The following XKR4 variants were observed in gnomAD, a reference collection of about 807,000 sequenced individuals.
XKR4 encodes the protein XK-related protein 4.
XKR4 carries 12 observed loss-of-function variants against 53.9 expected under a neutral mutation model. The observed-to-expected ratio is 0.22, with a 90% CI of 0.14 to 0.36. XKR4 has a LOEUF of 0.36. Ranked by LOEUF, XKR4 falls within the 10% of genes least tolerant of loss-of-function variation. The pLI is 1.00. For missense variants in XKR4, 799 were observed against 859.5 expected (o/e 0.93, Z 0.88); for synonymous variants, 354 against 362.4 (o/e 0.98, Z 0.26).
At chr8:55,130,958 G>A (rs207469192) in intron 1 of XKR4, among the ~76,000 whole-genome samples, 3 of 152,094 alleles carry the variant, frequency 2.0e-5, no homozygotes, top group Non-Finnish European at 4.4e-5. Flanking sequence ...TCGGGAGTTT[G>A]AGACCAGCTT....
Position 55,415,882 on chromosome 8 carries a change from C to T in XKR4, c.1006+58005C>T, listed in dbSNP as rs184606604. 1.1e-4 allele frequency among the ~76,000 whole-genome samples: 17 copies of T among 152,226 alleles called. 1 individual carries two copies. The highest frequency in any genetic ancestry group is 8.3e-4 in the South Asian group (4 of 4,822). ...GACAGTCTTCTACTGCGGTGCCTGG[C>T]GTAAAGTAGCCTTATGGTATATGGA... is the stretch of plus-strand genomic sequence containing the variant. On this transcript the variant is annotated intron_variant, in intron 2 of 2. Coordinates refer to ENST00000327381, the MANE Select transcript of XKR4 (RefSeq NM_052898.2).
chr8:55,359,882 G>T (rs1419494145), intron 2 of XKR4, among the ~76,000 whole-genome samples: 1 of 152,106 alleles, frequency 6.6e-6, no homozygotes, highest in Non-Finnish European at 1.5e-5. Flanking sequence ...GTTAAGTTGC[G>T]TTTTTTGAGT....
At chr8:55,353,563 T>G (rs1249744215) in intron 1 of XKR4, among the ~76,000 whole-genome samples, 1 of 152,204 alleles carries the variant, frequency 6.6e-6, no homozygotes, top group African/African-American at 2.4e-5. Flanking sequence ...GATAATAAAT[T>G]TCTGTGATTT....
At chr8:55,487,355 G>A (rs546050470) in intron 2 of XKR4, among the ~76,000 whole-genome samples, 14 of 152,130 alleles carry the variant, frequency 9.2e-5, no homozygotes, top group Non-Finnish European at 1.9e-4. Flanking sequence ...CCAAAATTCA[G>A]GGCAGGTCTT....
intron 1 of XKR4, among the ~76,000 whole-genome samples, chr8:55,286,058 G>A (rs1009643147): frequency 1.3e-5 from 2 of 152,220 alleles, no homozygotes; most frequent in Admixed American, 1.3e-4. Context: ...AGAATCGGCT[G>A]TACCTGGCTT....
chr8:55,522,713 G>T (rs1806814020), intron 2 of XKR4, among the ~76,000 whole-genome samples: 2 of 152,152 alleles, frequency 1.3e-5, no homozygotes, highest in African/African-American at 4.8e-5. Flanking sequence ...CAAAGTTGAA[G>T]CAACAACCCA....
intron 2 of XKR4, among the ~76,000 whole-genome samples, chr8:55,513,598 G>A (rs143099569): frequency 5.0e-4 from 76 of 152,320 alleles, no homozygotes; most frequent in African/African-American, 1.8e-3. Context: ...GATACCCACA[G>A]GTGGAAAGAG....
chr8:55,150,524 T>C (rs1816827232), intron 1 of XKR4, among the ~76,000 whole-genome samples: 1 of 152,176 alleles, frequency 6.6e-6, no homozygotes, highest in Non-Finnish European at 1.5e-5. Flanking sequence ...TGACCCTTCA[T>C]AACTCTCCCA....
chr8:55,460,076 CA>C (rs1353731540), intron 2 of XKR4, among the ~76,000 whole-genome samples: 1 of 147,382 alleles, frequency 6.8e-6, no homozygotes, highest in East Asian at 2.0e-4. Context: ...TATATTTATA[CA>C]ACTGGATACT....
rs1403554626 is a variant in XKR4 at position 55,535,881 on chromosome 8, G to T, written c.*11654G>T. On this transcript the variant is annotated 3_prime_UTR_variant, in exon 3 of 3. Transcript: ENST00000327381. ...TTAGGGGAACCCACCCCCTGTGATA[G>T]TTCTCCTTGACCACTGGTCCCTATG... is the stretch of plus-strand genomic sequence containing the variant. The T allele has an allele frequency of 2.0e-5, 3 of 152,240 alleles. No individual in the cohort carries two copies. In the East Asian group the frequency reaches 5.8e-4, roughly 29 times the overall value. The allele number at this position is 152,240 out of a possible 1,614,324, so 9.4% of individuals were successfully genotyped here. A position where few individuals can be genotyped will look rare whatever the true frequency, so the allele number is the denominator to read the frequency against.
rs144607190 is a variant in XKR4, at chr8:55,219,528, TCA to T, written c.806+116235_806+116236del. Among the ~76,000 whole-genome samples the T allele has an allele frequency of 4.6e-3, 700 of 152,214 alleles. 6 individuals carry two copies. Among genetic ancestry groups the T allele is most frequent in the African/African-American group, 0.016 (652 of 41,532 alleles). On this transcript the variant is annotated intron_variant, in intron 1 of 2. Coordinates refer to ENST00000327381, the MANE Select transcript of XKR4 (RefSeq NM_052898.2). Reference sequence around the variant, plus strand: ...AAGGGGCTCCAAAAACTAAAATACCTCAGTTATTTTGTCTGGACTCTGAGAAG... The same window carrying T: ...AAGGGGCTCCAAAAACTAAAATACCTGTTATTTTGTCTGGACTCTGAGAAG...
intron 1 of XKR4, among the ~76,000 whole-genome samples, chr8:55,168,141 A>C (rs1481969877): frequency 6.6e-6 from 1 of 152,212 alleles, no homozygotes; most frequent in Non-Finnish European, 1.5e-5. Context: ...TGTTGTTCTA[A>C]ATGATAGTCC....
Position 55,103,851 on chromosome 8 carries a change from G to GTGTGTA in XKR4, c.806+558_806+559insGTGTAT, listed in dbSNP as rs1187141027. Among the ~76,000 whole-genome samples, 10 of 106,008 alleles carry GTGTGTA rather than the reference G, an allele frequency of 9.4e-5. No individual in the cohort carries two copies. In the East Asian group the frequency reaches 1.8e-3, roughly 19 times the overall value. 69.5% of individuals were successfully genotyped at this position (106,008 alleles called of 152,430 possible). A position where few individuals can be genotyped will look rare whatever the true frequency, so the allele number is the denominator to read the frequency against. On this transcript the variant is annotated intron_variant, in intron 1 of 2. Transcript: ENST00000327381. ...AAGATCCTAATAGGCAAATGACTTT[G>GTGTGTA]TATATATATATATATATATATATAT...
intron 1 of XKR4, among the ~76,000 whole-genome samples, chr8:55,218,170 C>T (rs1817831286): frequency 6.6e-6 from 1 of 152,114 alleles, no homozygotes; most frequent in South Asian, 2.1e-4. Flanking sequence ...AAACTAAAGC[C>T]AAAAACGAAT....
At chr8:55,263,318 T>C (rs1291128599) in intron 1 of XKR4, among the ~76,000 whole-genome samples, 5 of 152,162 alleles carry the variant, frequency 3.3e-5, no homozygotes, top group Non-Finnish European at 7.4e-5. Context: ...CATCACAAGG[T>C]GGTGCCAAGG....
At chr8:55,223,860 G>C (rs1817917071) in intron 1 of XKR4, among the ~76,000 whole-genome samples, 1 of 152,160 alleles carries the variant, frequency 6.6e-6, no homozygotes, top group African/African-American at 2.4e-5. Context: ...TAAGCTGAGT[G>C]ATTCTTCACC....
intron 1 of XKR4, among the ~76,000 whole-genome samples, chr8:55,336,279 G>A (rs571039851): frequency 6.6e-6 from 1 of 152,122 alleles, no homozygotes; most frequent in Non-Finnish European, 1.5e-5. Context: ...TTCCACTTTT[G>A]CTTCTTCCTC....
chr8:55,240,858 A>G (rs559241549), intron 1 of XKR4, among the ~76,000 whole-genome samples: 1 of 152,232 alleles, frequency 6.6e-6, no homozygotes, highest in African/African-American at 2.4e-5. Flanking sequence ...TGGTGAGGAA[A>G]GCAACTCCAA....
At chr8:55,424,100 A>C (rs751557622) in intron 2 of XKR4, among the ~76,000 whole-genome samples, 2 of 151,952 alleles carry the variant, frequency 1.3e-5, no homozygotes, top group Non-Finnish European at 2.9e-5. Flanking sequence ...ACTGACTGGC[A>C]ATTAATTTGA....
Sources: allele counts gnomAD v4.1 joint callset (sites outside exome capture counted in the v4.1 genomes callset), GRCh38; gene constraint gnomAD v4.1.1; transcripts MANE v1.5; gene names NCBI Gene and HGNC (gene_info 2026-07-23, HGNC 2026-07-21).